Variants in PARP1 observed in about 807,000 individuals in gnomAD.
The protein encoded by PARP1 is poly(ADP-ribose) polymerase 1, also known as poly [ADP-ribose] polymerase 1.
In PARP1, 44 loss-of-function variants were observed where a neutral mutation model predicts 118.7. That is an observed-to-expected ratio of 0.37 (90% CI 0.29 to 0.48). The LOEUF is 0.48. Ranked by LOEUF, PARP1 falls within the 20% of genes least tolerant of loss-of-function variation. PARP1 has a pLI of 0.99. For synonymous variants in PARP1, 492 were observed against 483.2 expected (o/e 1.02, Z -0.24); for missense variants, 1,100 against 1,272.4 (o/e 0.86, Z 2.06).
intron 4 of PARP1, 95 bp downstream of exon 4, chr1:226,390,315 G>A: frequency 9.4e-7 from 1 of 1,065,722 alleles, no homozygotes. Flanking sequence ...GTCAGCGAAG[G>A]GAAACAGAGG....
At position 226,362,055 on chromosome 1, in the gene PARP1, T is replaced by C; in HGVS notation, c.2877A>G (p.Ser959=). ...CTACACCATCCAGACTAATGTTAGC[T>C]GAAGGATCAGGGGTAGTTTTGCCCA... ...KGLGKTTPDP[S]ANISLDGVDV... is the part of the protein sequence containing the mutation. The change falls in exon 22 of 23, where the codon TCA becomes TCG. Residue 959 remains serine (S), a synonymous_variant. Coordinates refer to ENST00000366794, the MANE Select transcript of PARP1 (RefSeq NM_001618.4). The C allele has an allele frequency of 6.2e-7, 1 of 1,613,782 alleles. No individual in the cohort carries two copies. The highest frequency in any genetic ancestry group is 8.5e-7 in the Non-Finnish European group (1 of 1,179,680).
Position 226,372,401 on chromosome 1 carries a change from A to G in PARP1, c.2070+1825T>C, listed in dbSNP as rs540147922. On this transcript the variant is annotated intron_variant, in intron 14 of 22. Transcript: ENST00000366794. Reference sequence around the variant, plus strand: ...AAAATGTCATTTCAGGCTGGGGGCCATGGCTCATGCCTGTAATCCCAGCAC... The same window carrying G: ...AAAATGTCATTTCAGGCTGGGGGCCGTGGCTCATGCCTGTAATCCCAGCAC... 2.0e-5 allele frequency among the ~76,000 whole-genome samples: 3 copies of G among 152,324 alleles called. No homozygotes were observed. In the East Asian group the frequency reaches 5.8e-4, roughly 29 times the overall value.
At chr1:226,362,846 T>C (rs1360232412) in intron 21 of PARP1, among the ~76,000 whole-genome samples, 1 of 103,170 alleles carries the variant, frequency 9.7e-6, no homozygotes, top group African/African-American at 4.2e-5. Context: ...GCTATAGAGC[T>C]TGCCTATTTT....
At chr1:226,376,985 CTCCTT>C (rs1374797451) in intron 13 of PARP1, 118 bp downstream of exon 13, 2 of 894,400 alleles carry the variant, frequency 2.2e-6, no homozygotes, top group African/African-American at 3.3e-5. Flanking sequence ...GACTATTATT[CTCCTT>C]TCAACATTTG....
intron 14 of PARP1, among the ~76,000 whole-genome samples, chr1:226,372,764 C>T (rs1251945008): frequency 6.6e-6 from 1 of 152,198 alleles, no homozygotes; most frequent in Non-Finnish European, 1.5e-5. Flanking sequence ...CTGAGAACGT[C>T]TATGAATCAC....
Position 226,370,454 on chromosome 1 carries a change from T to G in PARP1, c.2134A>C (p.Ile712Leu). 6.2e-7 allele frequency: 1 copy of G among 1,613,940 alleles called. No homozygotes were observed. The highest frequency in any genetic ancestry group is 8.5e-7 in the Non-Finnish European group (1 of 1,179,858). ...CTTACCTGCTGGACCTCACTGAGGA[T>G]GGAGTATGCGGCCTGGATCTGCCTT... ...SKRQIQAAYS[I>L]LSEVQQAVSQ... The change falls in exon 15 of 23, where the codon ATC becomes CTC. Residue 712 changes from isoleucine (I) to leucine (L), a missense_variant. Ile to Leu is a conservative substitution (Grantham distance 5, BLOSUM62 2). Around this residue, in one of 2 missense-constraint regions of PARP1, gnomAD observed 948 missense variants for 1,031.8 expected, o/e 0.92. Coordinates refer to ENST00000366794, the MANE Select transcript of PARP1 (RefSeq NM_001618.4).
intron 15 of PARP1, 95 bp from the exon 16 acceptor site, chr1:226,368,416 G>A: frequency 1.3e-6 from 2 of 1,525,582 alleles, no homozygotes; most frequent in Non-Finnish European, 1.8e-6. Flanking sequence ...GCTGCAGCAG[G>A]TCCAGAAGTA....
At chr1:226,403,340 T>G (rs2102747806) in intron 1 of PARP1, among the ~76,000 whole-genome samples, 1 of 152,312 alleles carries the variant, frequency 6.6e-6, no homozygotes, top group Admixed American at 6.5e-5. Context: ...CACCCATGCC[T>G]GGCTAATTTT....
At chr1:226,390,674 T>C (rs912542113) in intron 3 of PARP1, 50 bp from the exon 4 acceptor site, 4 of 1,542,480 alleles carry the variant, frequency 2.6e-6, no homozygotes, top group African/African-American at 1.4e-5. Flanking sequence ...GCAAGGATAG[T>C]GAACATGATA....
At chr1:226,376,998 T>C (rs1664505007) in intron 13 of PARP1, 110 bp downstream of exon 13, 1 of 943,954 alleles carries the variant, frequency 1.1e-6, no homozygotes, top group African/African-American at 1.6e-5. Flanking sequence ...CTTTCAACAT[T>C]TGGTAGTATG....
chr1:226,363,799 T>C, intron 20 of PARP1, 144 bp downstream of exon 20: 1 of 860,532 alleles, frequency 1.2e-6, no homozygotes, highest in East Asian at 2.5e-5. Flanking sequence ...TGGATTCTGC[T>C]ACTTATAAGA....
rs3835703 is a variant in PARP1 at position 226,377,920 on chromosome 1, AAT to A, written c.1746-619_1746-618del. 4.6e-3 allele frequency among the ~76,000 whole-genome samples: 693 copies of A among 152,132 alleles called. 27 individuals carry two copies. In the South Asian group the frequency reaches 0.084, roughly 18 times the overall value. On this transcript the variant is annotated intron_variant, in intron 12 of 22. Transcript: ENST00000366794. ...AACACTTAATTGTCATTTCATAATAAATATATATATATCATAAACCCACATAC... is the reference window on the plus strand; with the variant it reads ...AACACTTAATTGTCATTTCATAATAAATATATATATCATAAACCCACATAC...
chr1:226,363,968 A>G lies in PARP1; in HGVS notation c.2761T>C (p.Leu921=). 2 of 1,614,056 alleles carry G rather than the reference A, an allele frequency of 1.2e-6. No individual in the cohort carries two copies. The highest frequency in any genetic ancestry group is 1.1e-5 in the South Asian group (1 of 91,044). Residue 921 remains leucine, a synonymous_variant, in exon 20 of 23, where the codon TTG becomes CTG. Coordinates refer to ENST00000366794, the MANE Select transcript of PARP1 (RefSeq NM_001618.4). Reference sequence around the variant, plus strand: ...ATGTTTCCAAGGGCAACTTCTCCCAACAGGATTAAGCCTATTGGGTCTCCC... The same window carrying G: ...ATGTTTCCAAGGGCAACTTCTCCCAGCAGGATTAAGCCTATTGGGTCTCCC... ...SQGDPIGLIL[L]GEVALGNMYE...
chr1:226,392,780 AG>A (rs1664844975), intron 2 of PARP1: 4 of 639,092 alleles, frequency 6.3e-6, no homozygotes, highest in Non-Finnish European at 1.0e-5. Flanking sequence ...TATGTACTAA[AG>A]GTATCATTTC....
At chr1:226,379,098 G>A (rs371063771) in intron 12 of PARP1, 44 bp downstream of exon 12, 71 of 1,612,516 alleles carry the variant, frequency 4.4e-5, no homozygotes, top group African/African-American at 4.4e-4. Flanking sequence ...AATGCAGGAC[G>A]GGCCCATGTC....
At position 226,407,849 on chromosome 1, in the gene PARP1, G is replaced by C. The variant is rs780414059; in HGVS notation, c.81C>G (p.Ser27Arg). The C allele has an allele frequency of 1.2e-6, 2 of 1,602,244 alleles. No individual in the cohort carries two copies. The highest frequency in any genetic ancestry group is 2.2e-5 in the South Asian group (2 of 89,650). Residue 27 changes from serine to arginine, a missense_variant, in exon 1 of 23, where the codon AGC becomes AGG. Around this residue, in one of 2 missense-constraint regions of PARP1, gnomAD observed 948 missense variants for 1,031.8 expected, o/e 0.92. Transcript: ENST00000366794. The stretch of plus-strand genomic sequence containing the variant: ...CCATCCGGAGCGAGTCCTTGGGGAT[G>C]CTCTCGCTGCATTTCTTGCAAGAGG... ...GRASCKKCSE[S>R]IPKDSLRMAI...
chr1:226,399,073 C>CTTT (rs34094559), intron 2 of PARP1, among the ~76,000 whole-genome samples: 13 of 125,788 alleles, frequency 1.0e-4, no homozygotes, highest in Middle Eastern at 3.7e-3. Context: ...ATGGAGGAAT[C>CTTT]TTTTTTTTTT....
At chr1:226,363,893 T>G (rs1664201804) in intron 20 of PARP1, 50 bp downstream of exon 20, 1 of 1,608,124 alleles carries the variant, frequency 6.2e-7, no homozygotes, top group Non-Finnish European at 8.5e-7. Context: ...TATAGCCCAT[T>G]CCACCTGTCC....
chr1:226,387,505 A>G (rs1664737753), intron 5 of PARP1, among the ~76,000 whole-genome samples: 1 of 152,214 alleles, frequency 6.6e-6, no homozygotes, highest in Non-Finnish European at 1.5e-5. Context: ...CTCCACTGGC[A>G]AAGGTACAGG....
Sources: gnomAD v4.1 joint callset for allele counts (sites outside exome capture counted in the v4.1 genomes callset) on GRCh38, gnomAD v4.1.1 for gene constraint, gnomAD v4.1.1 regional missense constraint, MANE v1.5 for transcripts, NCBI Gene and HGNC (gene_info 2026-07-23, HGNC 2026-07-21) for gene names.